The following PHLDB2 variants were observed in gnomAD, a reference collection of about 807,000 sequenced individuals.
PHLDB2 encodes the protein pleckstrin homology like domain family B member 2.
A neutral mutation model predicts 123.6 loss-of-function variants in PHLDB2; 71 were observed. The ratio of observed to expected loss-of-function variants is 0.57; its 90% CI spans 0.47 to 0.70. The LOEUF (loss-of-function observed/expected upper bound fraction) is 0.70. PHLDB2 is among the 30% of genes least tolerant of loss of function. The pLI is 0.00. For synonymous variants in PHLDB2, 547 were observed against 541.6 expected, an observed-to-expected ratio of 1.01 and a Z score of -0.14; for missense variants, 1,446 against 1,519.5, an observed-to-expected ratio of 0.95 and a Z score of 0.80.
Position 111,945,273 on chromosome 3 carries a change from G to A in PHLDB2, c.2403G>A (p.Lys801=), listed in dbSNP as rs371659742. 25 of 1,606,288 alleles carry A rather than the reference G, an allele frequency of 1.6e-5. No individual in the cohort carries two copies. Among genetic ancestry groups the A allele is most frequent in the Non-Finnish European group, 2.1e-5 (25 of 1,173,888 alleles). ...NNLIMMLQRE[K]ENLCNLEKKY... is the part of the protein sequence containing the mutation. ...TAGGTTTTGTATTCCTTCAGGAAAA[G>A]GAGAATCTTTGTAATTTGGAAAAGA... Residue 801 remains lysine (K), a synonymous_variant, in exon 9 of 18, where the codon AAG becomes AAA. Transcript: ENST00000431670.
Position 111,830,808 on chromosome 3 carries a change from C to CAA in PHLDB2, c.-48-14990_-48-14989dup, listed in dbSNP as rs11475835. Among the ~76,000 whole-genome samples, 136 of 53,246 alleles carry CAA rather than the reference C, an allele frequency of 2.6e-3. 1 individual carries two copies. Among genetic ancestry groups the CAA allele is most frequent in the Admixed American group, 2.9e-3 (9 of 3,054 alleles). 34.9% of individuals were successfully genotyped at this position (53,246 alleles called of 152,430 possible). Reference sequence around the variant, plus strand: ...TGGGCGACAGAGCGAGACTCCGTCTCAAAAAAAAAAAAAAAAAAAAAAAAG... The same window carrying CAA: ...TGGGCGACAGAGCGAGACTCCGTCTCAAAAAAAAAAAAAAAAAAAAAAAAAAG... On this transcript the variant is annotated intron_variant, in intron 1 of 17. Transcript: ENST00000393923.
rs1287894734 is a variant in PHLDB2 at position 111,859,477 on chromosome 3, C to A, written c.-114C>A. The A allele has an allele frequency of 1.0e-6, 1 of 985,452 alleles. No homozygotes were observed. Among genetic ancestry groups the A allele is most frequent in the Non-Finnish European group, 1.2e-6 (1 of 830,032 alleles). The allele number at this position is 985,452 out of a possible 1,614,324, so 61.0% of individuals were successfully genotyped here. A position where few individuals can be genotyped will look rare whatever the true frequency, so the allele number is the denominator to read the frequency against. The stretch of plus-strand genomic sequence containing the variant: ...CCCAGCCGCGCGGAGCCCACCATTG[C>A]GGCCCGAGGGGGACCCGACGGGGGC... On this transcript the variant is annotated 5_prime_UTR_variant, in exon 1 of 18. Coordinates refer to ENST00000431670, the MANE Select transcript of PHLDB2 (RefSeq NM_001134438.2).
At chr3:111,964,662 C>T (rs1407980185) in intron 13 of PHLDB2, among the ~76,000 whole-genome samples, 15 of 152,020 alleles carry the variant, frequency 9.9e-5, no homozygotes, top group Admixed American at 9.8e-4. Context: ...AATCATTGCA[C>T]AATGTATGCA....
chr3:111,869,872 C>G (rs1286892697), intron 1 of PHLDB2, among the ~76,000 whole-genome samples: 3 of 152,340 alleles, frequency 2.0e-5, no homozygotes, highest in African/African-American at 4.8e-5. Context: ...TGTAAACATC[C>G]TCCTTGGAGA....
intron 1 of PHLDB2, among the ~76,000 whole-genome samples, chr3:111,736,175 C>T (rs774243610): frequency 1.3e-5 from 2 of 152,138 alleles, no homozygotes; most frequent in Non-Finnish European, 2.9e-5. Flanking sequence ...GCCCAAGAGT[C>T]AGTGCTTTGA....
At chr3:111,890,736 T>TA (rs1217652716) in intron 2 of PHLDB2, among the ~76,000 whole-genome samples, 1 of 152,182 alleles carries the variant, frequency 6.6e-6, no homozygotes, top group Non-Finnish European at 1.5e-5. Flanking sequence ...GAACTGTAAT[T>TA]ATGTATCTCC....
chr3:111,973,242 G>GA (rs5851807), intron 16 of PHLDB2, among the ~76,000 whole-genome samples: 77,760 of 151,626 alleles, frequency 0.51, 20,261 homozygotes, highest in East Asian at 0.7. Context: ...GAAAACGGGG[G>GA]AAAAATCACG....
At chr3:111,939,166 A>G (rs1179736154) in intron 6 of PHLDB2, among the ~76,000 whole-genome samples, 1 of 152,172 alleles carries the variant, frequency 6.6e-6, no homozygotes. Context: ...GATTATGTTT[A>G]GGTTATTTAC....
At position 111,952,579 on chromosome 3, in the gene PHLDB2, G is replaced by A. The variant is rs35998759; in HGVS notation, c.2639G>A (p.Arg880Lys). ...ASQPQSKEHF[R>K]SLEERKKQHK... Reference sequence around the variant, plus strand: ...TTGCATTTGCATTTAAAGCACTTTAGAAGTCTGGAAGAAAGGAAAAAACAG... The same window carrying A: ...TTGCATTTGCATTTAAAGCACTTTAAAAGTCTGGAAGAAAGGAAAAAACAG... The change falls in exon 11 of 18, where the codon AGA becomes AAA. Residue 880 changes from arginine (R) to lysine (K), a missense_variant. Transcript: ENST00000431670. 6,645 of 1,612,284 alleles carry A rather than the reference G, an allele frequency of 4.1e-3. 17 individuals are homozygous for A. Among genetic ancestry groups the A allele is most frequent in the Non-Finnish European group, 4.7e-3 (5,532 of 1,179,458 alleles).
Position 111,969,797 on chromosome 3 carries a change from C to T in PHLDB2, c.3423C>T (p.Ile1141=). 6.2e-7 allele frequency: 1 copy of T among 1,613,978 alleles called. No individual in the cohort carries two copies. Among genetic ancestry groups the T allele is most frequent in the Non-Finnish European group, 8.5e-7 (1 of 1,179,868 alleles). Residue 1141 remains isoleucine, a synonymous_variant, in exon 16 of 18, where the codon ATC becomes ATT. Transcript: ENST00000431670. ...HNIDTCYHVS[I]TEKTCRGFLI... is the part of the protein sequence containing the mutation. ...TTGACACCTGTTACCATGTATCAAT[C>T]ACAGAGAAGACCTGCCGAGGATTCC...
intron 1 of PHLDB2, among the ~76,000 whole-genome samples, chr3:111,801,130 C>T (rs2061363064): frequency 6.6e-6 from 1 of 152,116 alleles, no homozygotes; most frequent in South Asian, 2.1e-4. Context: ...TAAATATTTG[C>T]TCCCTTCAGA....
chr3:111,801,565 T>C (rs1173159419), intron 1 of PHLDB2, among the ~76,000 whole-genome samples: 1 of 152,208 alleles, frequency 6.6e-6, no homozygotes, highest in Non-Finnish European at 1.5e-5. Context: ...ACAAGGCTGG[T>C]TCATAATAAG....
At chr3:111,970,402 T>C (rs1009266538) in intron 16 of PHLDB2, among the ~76,000 whole-genome samples, 17 of 152,210 alleles carry the variant, frequency 1.1e-4, no homozygotes, top group African/African-American at 3.9e-4. Flanking sequence ...AGGTTTGTGA[T>C]TGATTGATTG....
intron 5 of PHLDB2, among the ~76,000 whole-genome samples, chr3:111,925,049 G>A (rs773039843): frequency 5.3e-5 from 8 of 152,120 alleles, no homozygotes; most frequent in Non-Finnish European, 8.8e-5. Flanking sequence ...GGCTGGTCTC[G>A]AATGCCTGAC....
Position 111,805,708 on chromosome 3 carries a change from A to G in PHLDB2, c.-48-40113A>G, listed in dbSNP as rs377441195. Among the ~76,000 whole-genome samples the G allele has an allele frequency of 1.5e-4, 23 of 149,780 alleles. 6 individuals are homozygous for G. In the East Asian group the frequency reaches 3.1e-3, roughly 20 times the overall value. ...ATGCTAGTAAAGACAAATCTAATCTATAGTGACAGAAAGCAGGTCAGTGGT... is the reference window on the plus strand; with the variant it reads ...ATGCTAGTAAAGACAAATCTAATCTGTAGTGACAGAAAGCAGGTCAGTGGT... On this transcript the variant is annotated intron_variant, in intron 1 of 17. Transcript: ENST00000393923.
At chr3:111,852,753 G>GACAC (rs36217120) in intron 2 of PHLDB2, among the ~76,000 whole-genome samples, 3,066 of 150,258 alleles carry the variant, frequency 0.02, 48 homozygotes, top group Non-Finnish European at 0.027. Flanking sequence ...TAATCTAAAA[G>GACAC]ACACACACAC....
At chr3:111,881,848 C>G (rs1246600224) in intron 1 of PHLDB2, among the ~76,000 whole-genome samples, 1 of 149,788 alleles carries the variant, frequency 6.7e-6, no homozygotes, top group Non-Finnish European at 1.5e-5. Flanking sequence ...AAAAAATTTT[C>G]CAGTATATTT....
intron 1 of PHLDB2, among the ~76,000 whole-genome samples, chr3:111,750,933 G>A (rs996129758): frequency 9.0e-5 from 12 of 133,582 alleles, no homozygotes; most frequent in Non-Finnish European, 1.7e-4. Context: ...GCGACAGAGT[G>A]TGAAACTCTG....
chr3:111,910,693 A>T (rs2067835735), intron 2 of PHLDB2, among the ~76,000 whole-genome samples: 1 of 152,208 alleles, frequency 6.6e-6, no homozygotes, highest in Non-Finnish European at 1.5e-5. Flanking sequence ...GGGAAGGAAG[A>T]AGACTCCAGA....
Sources: allele counts gnomAD v4.1 joint callset (sites outside exome capture counted in the v4.1 genomes callset), GRCh38; gene constraint gnomAD v4.1.1; transcripts MANE v1.5; gene names NCBI Gene and HGNC (gene_info 2026-07-23, HGNC 2026-07-21).